DNAJC10: variants seen among roughly 807,000 people sequenced by gnomAD.
The protein encoded by DNAJC10 is endoplasmic reticulum disulfide reductase DNAJC10.
A neutral mutation model predicts 115.0 loss-of-function variants in DNAJC10; 101 were observed. The observed-to-expected ratio is 0.88, with a 90% CI of 0.75 to 1.04. DNAJC10 has a LOEUF of 1.04. Among genes scored for constraint, DNAJC10 ranks in the 50% least tolerant of loss-of-function variants. DNAJC10 has a pLI of 0.00. For missense variants in DNAJC10, 981 were observed against 928.8 expected, an observed-to-expected ratio of 1.06 and a Z score of -0.73; for synonymous variants, 307 against 301.5, an observed-to-expected ratio of 1.02 and a Z score of -0.19.
intron 11 of DNAJC10, among the ~76,000 whole-genome samples, chr2:182,737,263 A>G (rs1693608212): frequency 6.6e-6 from 1 of 152,188 alleles, no homozygotes; most frequent in Non-Finnish European, 1.5e-5. Context: ...ATGGGTCACT[A>G]CGGAATCCCA....
chr2:182,766,442 A>T lies in DNAJC10; in HGVS notation c.2265+3641A>T, dbSNP rs564065033. ...AATGCCCTTCACATGTGCAAGATTT[A>T]AATGAGTAATACTATACACCATGTA... On this transcript the variant is annotated intron_variant, in intron 22 of 23. Coordinates refer to ENST00000264065, the MANE Select transcript of DNAJC10 (RefSeq NM_018981.4). Among the ~76,000 whole-genome samples the T allele has an allele frequency of 2.6e-5, 4 of 152,320 alleles. No individual in the cohort carries two copies. The Middle Eastern group carries it at 0.01, about 389-fold the overall frequency.
At chr2:182,755,237 A>G (rs1694127510) in intron 17 of DNAJC10, 133 bp downstream of exon 17, 3 of 642,190 alleles carry the variant, frequency 4.7e-6, no homozygotes, top group Non-Finnish European at 8.3e-6. Context: ...TGATTTTTAA[A>G]GAATTTTTCT....
intron 5 of DNAJC10, among the ~76,000 whole-genome samples, chr2:182,726,243 T>G (rs1024835735): frequency 3.9e-5 from 6 of 152,080 alleles, no homozygotes; most frequent in Non-Finnish European, 8.8e-5. Flanking sequence ...GGAGCCTGAT[T>G]ATGTGACTGA....
At chr2:182,733,782 CAGAT>C (rs61416628) in intron 10 of DNAJC10, among the ~76,000 whole-genome samples, 21,118 of 142,368 alleles carry the variant, frequency 0.15, 1,979 homozygotes, top group African/African-American at 0.28. Flanking sequence ...CAATCTCTCT[CAGAT>C]AGATAGATAG....
In DNAJC10 at chr2:182,791,943, A is replaced by G. The variant is rs555467643; in HGVS notation, c.*14811A>G. ...ACAACATATTGAAGATACACATTTTAAATTTAACTCTAAACAATGCAATAA... is the reference window on the plus strand; with the variant it reads ...ACAACATATTGAAGATACACATTTTGAATTTAACTCTAAACAATGCAATAA... On this transcript the variant is annotated 3_prime_UTR_variant, in exon 24 of 24. Coordinates refer to ENST00000264065, the MANE Select transcript of DNAJC10 (RefSeq NM_018981.4). 6.6e-6 allele frequency: 1 copy of G among 152,276 alleles called. No homozygotes were observed. Among genetic ancestry groups the G allele is most frequent in the African/African-American group, 2.4e-5 (1 of 41,546 alleles). The allele number at this position is 152,276 out of a possible 1,614,324, so 9.4% of individuals were successfully genotyped here.
Position 182,790,825 on chromosome 2 carries a change from T to C in DNAJC10, c.*13693T>C, listed in dbSNP as rs1199573532. 6.6e-6 allele frequency: 1 copy of C among 151,808 alleles called. No homozygotes were observed. The highest frequency in any genetic ancestry group is 2.4e-5 in the African/African-American group (1 of 41,342). 9.4% of individuals were successfully genotyped at this position (151,808 alleles called of 1,614,324 possible). On this transcript the variant is annotated 3_prime_UTR_variant, in exon 24 of 24. Transcript: ENST00000264065. ...AAAAAAATTACAATAGTAATAATTA[T>C]GCCTTCTAACACTAAAATCAAATAA...
rs191134406 is a variant in DNAJC10, at chr2:182,787,562, A to G, written c.*10430A>G. The G allele has an allele frequency of 2.6e-5, 4 of 152,318 alleles. No individual in the cohort carries two copies. The highest frequency in any genetic ancestry group is 1.3e-4 in the Admixed American group (2 of 15,296). 9.4% of individuals were successfully genotyped at this position (152,318 alleles called of 1,614,324 possible). A position where few individuals can be genotyped will look rare whatever the true frequency, so the allele number is the denominator to read the frequency against. ...GGTTAGCAGTCTTAACCTCTAACCA[A>G]CTGAACAAATCGAAGACATTTAATT... is the stretch of plus-strand genomic sequence containing the variant. On this transcript the variant is annotated 3_prime_UTR_variant, in exon 24 of 24. Coordinates refer to ENST00000264065, the MANE Select transcript of DNAJC10 (RefSeq NM_018981.4).
chr2:182,762,313 C>T (rs1191494768), intron 21 of DNAJC10, among the ~76,000 whole-genome samples: 1 of 151,994 alleles, frequency 6.6e-6, no homozygotes. Context: ...TCAGCCTTCA[C>T]GAGACAAAGA....
intron 14 of DNAJC10, among the ~76,000 whole-genome samples, chr2:182,750,834 T>G (rs1693997365): frequency 6.6e-6 from 1 of 152,234 alleles, no homozygotes. Flanking sequence ...TAGGAATTTT[T>G]CAGCTCCATT....
chr2:182,763,602 C>G (rs1694339860), intron 22 of DNAJC10, among the ~76,000 whole-genome samples: 1 of 152,148 alleles, frequency 6.6e-6, no homozygotes, highest in Non-Finnish European at 1.5e-5. Context: ...TATCACACCA[C>G]ACACTCCACT....
At chr2:182,741,483 A>C (rs1399488497) in intron 13 of DNAJC10, 127 bp downstream of exon 13, 2 of 483,136 alleles carry the variant, frequency 4.1e-6, no homozygotes, top group East Asian at 3.7e-5. Flanking sequence ...AAGTGCTTTT[A>C]GTCTTGGTTT....
At position 182,775,320 on chromosome 2, in the gene DNAJC10, A is replaced by C. The variant is rs1694676999; in HGVS notation, c.2270A>C (p.Asn757Thr). 6.3e-7 allele frequency: 1 copy of C among 1,598,486 alleles called. No homozygotes were observed. The highest frequency in any genetic ancestry group is 8.6e-7 in the Non-Finnish European group (1 of 1,168,294). The change falls in exon 23 of 24, where the codon AAT (asparagine) becomes ACT (threonine). Residue 757 changes from asparagine to threonine, a missense_variant. By Grantham distance (65) the Asn-to-Thr change is moderately conservative. Transcript: ENST00000264065. ...KFYFYERAKR[N>T]FQEEQINTRD... The stretch of plus-strand genomic sequence containing the variant: ...AACAAGTGTTTTTAATTTTAGAGAA[A>C]TTTTCAAGAAGAGCAGATAAATACC...
At chr2:182,751,821 C>T (rs774974897) in intron 15 of DNAJC10, 36 bp downstream of exon 15, 9 of 1,600,510 alleles carry the variant, frequency 5.6e-6, no homozygotes, top group East Asian at 4.5e-5. Flanking sequence ...CTAACATTGT[C>T]AGATCTTCTC....
At position 182,777,996 on chromosome 2, in the gene DNAJC10, T is replaced by C. The variant is rs976276569; in HGVS notation, c.*864T>C. The C allele has an allele frequency of 6.6e-6, 1 of 152,216 alleles. No individual in the cohort carries two copies. The highest frequency in any genetic ancestry group is 2.4e-5 in the African/African-American group (1 of 41,462). The allele number at this position is 152,216 out of a possible 1,614,324, so 9.4% of individuals were successfully genotyped here. On this transcript the variant is annotated 3_prime_UTR_variant, in exon 24 of 24. Coordinates refer to ENST00000264065, the MANE Select transcript of DNAJC10 (RefSeq NM_018981.4). ...ATGTTATCAAGTATTTAGAGTTCTA[T>C]ATTTTAAAGATATATGTGTTCATGT... is the stretch of plus-strand genomic sequence containing the variant.
chr2:182,775,150 T>C (rs937108590), intron 22 of DNAJC10, among the ~76,000 whole-genome samples, 166 bp from the exon 23 acceptor site: 3 of 152,102 alleles, frequency 2.0e-5, no homozygotes, highest in Non-Finnish European at 4.4e-5. Context: ...ACATTATGGG[T>C]TAACTGCTTT....
intron 11 of DNAJC10, among the ~76,000 whole-genome samples, chr2:182,738,848 G>A (rs1454352826): frequency 6.6e-6 from 1 of 151,980 alleles, no homozygotes; most frequent in Non-Finnish European, 1.5e-5. Context: ...CCGCATTCAG[G>A]TTTTAAAAAA....
intron 8 of DNAJC10, among the ~76,000 whole-genome samples, chr2:182,730,756 T>C (rs572887741): frequency 2.6e-4 from 39 of 152,194 alleles, no homozygotes; most frequent in African/African-American, 9.4e-4. Flanking sequence ...GCTGGCTAAA[T>C]AGGTAGGCAA....
At chr2:182,756,766 G>A (rs1372326111) in intron 18 of DNAJC10, among the ~76,000 whole-genome samples, 2 of 151,956 alleles carry the variant, frequency 1.3e-5, no homozygotes, top group African/African-American at 2.4e-5. Flanking sequence ...AACCACCCTA[G>A]TAGCTGGGAT....
rs970993350 is a variant in DNAJC10 at position 182,778,208 on chromosome 2, C to T, written c.*1076C>T. The T allele has an allele frequency of 6.6e-6, 1 of 152,084 alleles. No homozygotes were observed. The highest frequency in any genetic ancestry group is 1.5e-5 in the Non-Finnish European group (1 of 68,016). 9.4% of individuals were successfully genotyped at this position (152,084 alleles called of 1,614,324 possible). A position where few individuals can be genotyped will look rare whatever the true frequency, so the allele number is the denominator to read the frequency against. ...TTTATTATTCAAATAGGAAAAATTA[C>T]TTTACAGGTTGTTTTACTGTAGCTT... On this transcript the variant is annotated 3_prime_UTR_variant, in exon 24 of 24. Transcript: ENST00000264065.
Sources: allele counts gnomAD v4.1 joint callset (sites outside exome capture counted in the v4.1 genomes callset), GRCh38; gene constraint gnomAD v4.1.1; transcripts MANE v1.5; gene names NCBI Gene and HGNC (gene_info 2026-07-23, HGNC 2026-07-21).